Variants in GALNTL5 observed in about 807,000 individuals in gnomAD.
GALNTL5 encodes inactive polypeptide N-acetylgalactosaminyltransferase-like protein 5.
Under a neutral mutation model 51.0 loss-of-function variants are expected in GALNTL5, and 44 were observed. That is an observed-to-expected ratio of 0.86 (90% CI 0.68 to 1.11). The LOEUF (loss-of-function observed/expected upper bound fraction) is 1.11. GALNTL5 is among the 50% of genes least tolerant of loss of function. The pLI is 0.00. For synonymous variants in GALNTL5, 192 were observed against 182.8 expected (o/e 1.05, Z -0.41); for missense variants, 528 against 531.8 (o/e 0.99, Z 0.07).
At position 152,007,862 on chromosome 7, in the gene GALNTL5, G is replaced by A. The variant is rs747623447; in HGVS notation, c.944G>A (p.Arg315His). The A allele has an allele frequency of 1.6e-5, 25 of 1,611,880 alleles. No homozygotes were observed. In the Admixed American group the frequency reaches 1.8e-4, roughly 12 times the overall value. ...ATGTCTGGAGGAATTTTTGCTATAC[G>A]TCGGCATTATTTTAATGAAATTGGA... ...PAMSGGIFAI[R>H]RHYFNEIGQY... The change falls in exon 7 of 9, where the codon CGT (arginine) becomes CAT (histidine). Residue 315 changes from arginine (R) to histidine (H), a missense_variant. Arg to His is a conservative substitution (Grantham distance 29, BLOSUM62 0). Transcript: ENST00000392800.
Position 152,002,705 on chromosome 7 carries a change from C to T in GALNTL5, c.659-9C>T. ...GTGGACTAACATTGCCCTGTTCTTG[C>T]CTCCCCAGGGGATGTTCTGGTGTTC... On this transcript the variant is annotated splice_polypyrimidine_tract_variant and intron_variant, in intron 5 of 8. Transcript: ENST00000392800. The T allele has an allele frequency of 6.2e-7, 1 of 1,613,636 alleles. No individual in the cohort carries two copies. The highest frequency in any genetic ancestry group is 8.5e-7 in the Non-Finnish European group (1 of 1,179,752).
chr7:151,980,896 C>G (rs1050382061), intron 3 of GALNTL5, among the ~76,000 whole-genome samples: 3 of 150,148 alleles, frequency 2.0e-5, no homozygotes, highest in Non-Finnish European at 4.4e-5. Flanking sequence ...CAGGCACCCG[C>G]CACTGCGCCC....
chr7:151,992,101 A>G (rs1490122532), intron 5 of GALNTL5, among the ~76,000 whole-genome samples: 1 of 152,134 alleles, frequency 6.6e-6, no homozygotes, highest in African/African-American at 2.4e-5. Flanking sequence ...CTTTTGGTAT[A>G]TTTGATCTTG....
In GALNTL5 at chr7:151,987,288, A is replaced by G; in HGVS notation, c.658+7A>G. ...GGAGCTTCTCATGCTTCAGGTAGGA[A>G]CATTCCTGGGGACAAGAGCCAGTGA... On this transcript the variant is annotated splice_region_variant and intron_variant, in intron 5 of 8. Transcript: ENST00000392800. 1 of 1,564,402 alleles carries G rather than the reference A, an allele frequency of 6.4e-7. No homozygotes were observed. Among genetic ancestry groups the G allele is most frequent in the Non-Finnish European group, 8.6e-7 (1 of 1,163,464 alleles).
chr7:151,973,943 C>A (rs1004986850), intron 3 of GALNTL5, among the ~76,000 whole-genome samples: 1 of 152,078 alleles, frequency 6.6e-6, no homozygotes, highest in Non-Finnish European at 1.5e-5. Context: ...TCTCATGAGA[C>A]CTGATGGTTT....
chr7:152,006,573 G>T (rs572775478), intron 6 of GALNTL5, among the ~76,000 whole-genome samples: 1 of 151,992 alleles, frequency 6.6e-6, no homozygotes, highest in African/African-American at 2.4e-5. Flanking sequence ...GAATTCAACC[G>T]CATCTTACTA....
chr7:151,969,297 A>G (rs1428968515), intron 2 of GALNTL5, among the ~76,000 whole-genome samples: 1 of 152,206 alleles, frequency 6.6e-6, no homozygotes. Flanking sequence ...ATGAATTTAA[A>G]GTTTTAGGTT....
intron 5 of GALNTL5, among the ~76,000 whole-genome samples, chr7:152,000,915 T>C (rs562491824): frequency 1.3e-5 from 2 of 149,404 alleles, no homozygotes; most frequent in East Asian, 1.9e-4. Context: ...TTCTTTCTTT[T>C]TTTTTTTTTT....
rs532970293 is a variant in GALNTL5, at chr7:151,984,485, G to A, written c.535+1333G>A. Among the ~76,000 whole-genome samples the A allele has an allele frequency of 4.6e-5, 7 of 152,276 alleles. 1 individual carries two copies. The highest frequency in any genetic ancestry group is 2.1e-4 in the South Asian group (1 of 4,814). ...AACCATCCCATGAGGTTCACCCTGCGGGGAAGTGACTCTAGGTGACTCCTG... is the reference window on the plus strand; with the variant it reads ...AACCATCCCATGAGGTTCACCCTGCAGGGAAGTGACTCTAGGTGACTCCTG... On this transcript the variant is annotated intron_variant, in intron 4 of 8. Transcript: ENST00000392800.
Position 152,007,876 on chromosome 7 carries a change from A to G in GALNTL5, c.958A>G (p.Asn320Asp), listed in dbSNP as rs1433197705. The G allele has an allele frequency of 6.2e-7, 1 of 1,613,266 alleles. No individual in the cohort carries two copies. The highest frequency in any genetic ancestry group is 1.7e-5 in the Admixed American group (1 of 59,994). The change falls in exon 7 of 9, where the codon AAT (asparagine) becomes GAT (aspartate). Residue 320 changes from asparagine (N) to aspartate (D), a missense_variant. Transcript: ENST00000392800. ...TTTTGCTATACGTCGGCATTATTTT[A>G]ATGAAATTGGACAGTATGACAAGGA... is the stretch of plus-strand genomic sequence containing the variant. The part of the protein sequence containing the change: ...GIFAIRRHYF[N>D]EIGQYDKDMD...
chr7:151,994,135 T>G (rs910706716), intron 5 of GALNTL5, among the ~76,000 whole-genome samples: 1 of 152,152 alleles, frequency 6.6e-6, no homozygotes, highest in African/African-American at 2.4e-5. Context: ...TCTCTCAGCC[T>G]GTCTGTTCCC....
chr7:151,979,947 A>T (rs913675461), intron 3 of GALNTL5, among the ~76,000 whole-genome samples: 6 of 152,212 alleles, frequency 3.9e-5, no homozygotes, highest in Non-Finnish European at 7.3e-5. Context: ...TGACTATAAC[A>T]TCAGAGATGT....
intron 1 of GALNTL5, among the ~76,000 whole-genome samples, chr7:151,957,241 C>T (rs1182116972): frequency 1.6e-4 from 24 of 151,464 alleles, no homozygotes; most frequent in Admixed American, 1.5e-3. Context: ...ATTCAATAGA[C>T]TCGTATTTTT....
chr7:151,996,688 A>G (rs1362828422), intron 5 of GALNTL5, among the ~76,000 whole-genome samples: 1 of 152,192 alleles, frequency 6.6e-6, no homozygotes, highest in Non-Finnish European at 1.5e-5. Context: ...GCTCAAGGTT[A>G]CAGTGAGCTA....
intron 7 of GALNTL5, among the ~76,000 whole-genome samples, chr7:152,008,562 T>C (rs772670050): frequency 4.6e-5 from 7 of 151,644 alleles, no homozygotes; most frequent in Non-Finnish European, 1.0e-4. Context: ...ATTTTCTCTC[T>C]CTTTTCCTTC....
chr7:152,017,390 C>T (rs2081833070), intron 8 of GALNTL5, among the ~76,000 whole-genome samples: 2 of 152,176 alleles, frequency 1.3e-5, no homozygotes, highest in Non-Finnish European at 2.9e-5. Context: ...CCATTATGTA[C>T]ATGGTCAGGC....
At chr7:151,976,537 T>C (rs2081207732) in intron 3 of GALNTL5, among the ~76,000 whole-genome samples, 1 of 152,190 alleles carries the variant, frequency 6.6e-6, no homozygotes. Context: ...GAGTTTCTTA[T>C]AGGCAGCATC....
chr7:151,978,418 A>C (rs545605205), intron 3 of GALNTL5, among the ~76,000 whole-genome samples: 4 of 152,300 alleles, frequency 2.6e-5, no homozygotes, highest in African/African-American at 9.6e-5. Flanking sequence ...TTTCCACTCA[A>C]AATACAGCCT....
chr7:152,007,283 A>C (rs2081657012), intron 6 of GALNTL5, among the ~76,000 whole-genome samples: 1 of 152,106 alleles, frequency 6.6e-6, no homozygotes, highest in Non-Finnish European at 1.5e-5. Context: ...CATTAGGAAA[A>C]CATTTAGAAT....
Sources: gnomAD v4.1 joint callset for allele counts (sites outside exome capture counted in the v4.1 genomes callset) on GRCh38, gnomAD v4.1.1 for gene constraint, MANE v1.5 for transcripts, NCBI Gene and HGNC (gene_info 2026-07-23, HGNC 2026-07-21) for gene names.